ST6GALNAC5: variants seen among roughly 807,000 people sequenced by gnomAD.
ST6GALNAC5 encodes the protein alpha-N-acetylgalactosaminide alpha-2,6-sialyltransferase 5.
ST6GALNAC5 carries 27 observed loss-of-function variants against 33.6 expected under a neutral mutation model. The ratio of observed to expected loss-of-function variants is 0.80; its 90% CI spans 0.59 to 1.11. The LOEUF is 1.11. ST6GALNAC5 is among the 50% of genes least tolerant of loss of function. The pLI is 0.00. For missense variants in ST6GALNAC5, 428 were observed against 454.0 expected, an observed-to-expected ratio of 0.94 and a Z score of 0.52; for synonymous variants, 194 against 171.2, an observed-to-expected ratio of 1.13 and a Z score of -1.04.
intron 2 of ST6GALNAC5, among the ~76,000 whole-genome samples, chr1:77,024,660 G>T (rs1451574895): frequency 1.3e-5 from 2 of 152,198 alleles, no homozygotes; most frequent in Admixed American, 1.3e-4. Context: ...GATTTCGCAA[G>T]GGACTTTGAT....
chr1:76,897,129 TGTGA>T (rs760180856), intron 2 of ST6GALNAC5, among the ~76,000 whole-genome samples: 5,823 of 152,214 alleles, frequency 0.038, 254 homozygotes, highest in African/African-American at 0.11. Flanking sequence ...GGGGGCTGCC[TGTGA>T]AGCTTTGCGG....
intron 2 of ST6GALNAC5, among the ~76,000 whole-genome samples, chr1:77,010,039 C>T (rs1327913019): frequency 6.6e-6 from 1 of 152,156 alleles, no homozygotes; most frequent in African/African-American, 2.4e-5. Flanking sequence ...CATGAAGTGA[C>T]AGCACTATAG....
At chr1:76,966,597 C>G (rs551554872) in intron 2 of ST6GALNAC5, among the ~76,000 whole-genome samples, 2 of 152,280 alleles carry the variant, frequency 1.3e-5, no homozygotes, top group South Asian at 4.1e-4. Context: ...ATTTCTTTCT[C>G]TTGCCTGATT....
chr1:76,963,029 C>T (rs1394231460), intron 2 of ST6GALNAC5, among the ~76,000 whole-genome samples: 1 of 151,994 alleles, frequency 6.6e-6, no homozygotes, highest in East Asian at 1.9e-4. Context: ...TCTCTTCCTC[C>T]CTATAGAAAA....
At chr1:76,923,419 A>G (rs1330980293) in intron 2 of ST6GALNAC5, among the ~76,000 whole-genome samples, 1 of 152,090 alleles carries the variant, frequency 6.6e-6, no homozygotes. Flanking sequence ...ACAGCCGAGC[A>G]CTGTGGCTCA....
intron 2 of ST6GALNAC5, among the ~76,000 whole-genome samples, chr1:77,032,160 G>C (rs1456836479): frequency 1.3e-5 from 2 of 152,188 alleles, no homozygotes; most frequent in Non-Finnish European, 2.9e-5. Context: ...CACGTGCAAA[G>C]ACCTGAGACC....
At position 77,063,080 on chromosome 1, in the gene ST6GALNAC5, C is replaced by A; in HGVS notation, c.885C>A (p.His295Gln). The A allele has an allele frequency of 6.2e-7, 1 of 1,613,934 alleles. No homozygotes were observed. The highest frequency in any genetic ancestry group is 8.5e-7 in the Non-Finnish European group (1 of 1,179,910). The change falls in exon 5 of 5, where the codon CAC becomes CAA. Residue 295 changes from histidine to glutamine, a missense_variant. Transcript: ENST00000477717. Reference protein sequence around the residue: ...SHERGRKGSHHRFITEKRVFK... With the variant: ...SHERGRKGSHQRFITEKRVFK... ...AGCGAGGACGCAAGGGCAGTCATCA[C>A]CGCTTTATCACAGAGAAACGAGTCT...
intron 2 of ST6GALNAC5, among the ~76,000 whole-genome samples, chr1:76,983,099 T>C (rs1268460745): frequency 6.6e-6 from 1 of 151,008 alleles, no homozygotes. Flanking sequence ...AGAAACTGCA[T>C]CAATTAACAG....
rs117355078 is a variant in ST6GALNAC5, at chr1:76,969,949, G to A, written c.262-74255G>A. Among the ~76,000 whole-genome samples, 146 of 152,052 alleles carry A rather than the reference G, an allele frequency of 9.6e-4. 3 individuals are homozygous for A. In the East Asian group the frequency reaches 0.026, roughly 27 times the overall value. On this transcript the variant is annotated intron_variant, in intron 2 of 4. Transcript: ENST00000477717. The stretch of plus-strand genomic sequence containing the variant: ...CACCAGCAAACTCCAACTGACCTGC[G>A]GATGACTGTTAGAAGGAAAATGAAC...
chr1:77,000,764 C>T (rs936670176), intron 2 of ST6GALNAC5, among the ~76,000 whole-genome samples: 36 of 151,542 alleles, frequency 2.4e-4, no homozygotes, highest in South Asian at 6.3e-4. Context: ...TTCCCCATTG[C>T]TTGTTTTTCT....
At chr1:76,961,932 C>T (rs900153293) in intron 2 of ST6GALNAC5, among the ~76,000 whole-genome samples, 1 of 152,158 alleles carries the variant, frequency 6.6e-6, no homozygotes, top group Non-Finnish European at 1.5e-5. Context: ...CCATTGAAAT[C>T]CATGTGCTTA....
chr1:76,976,459 G>T (rs768163009), intron 2 of ST6GALNAC5, among the ~76,000 whole-genome samples: 3 of 151,922 alleles, frequency 2.0e-5, no homozygotes, highest in Non-Finnish European at 4.4e-5. Context: ...TCCATTATTT[G>T]TCTTGGCTCA....
In ST6GALNAC5 at chr1:77,064,227, G is replaced by A. The variant is rs1199985308; in HGVS notation, c.*1021G>A. 1.3e-5 allele frequency: 2 copies of A among 152,090 alleles called. No individual in the cohort carries two copies. The highest frequency in any genetic ancestry group is 1.5e-5 in the Non-Finnish European group (1 of 68,028). The allele number at this position is 152,090 out of a possible 1,614,324, so 9.4% of individuals were successfully genotyped here. A position where few individuals can be genotyped will look rare whatever the true frequency, so the allele number is the denominator to read the frequency against. On this transcript the variant is annotated 3_prime_UTR_variant, in exon 5 of 5. Transcript: ENST00000477717. ...CCCATTTGAAGACTCTGCACTTGGA[G>A]TGATGGGGCCCCAACAGTAGCAGGA...
intron 1 of ST6GALNAC5, 62 bp downstream of exon 1, chr1:76,867,752 G>A: frequency 2.5e-6 from 4 of 1,613,556 alleles, no homozygotes; most frequent in Non-Finnish European, 3.4e-6. Flanking sequence ...AGGGTCCACG[G>A]GACGCACCGT....
intron 2 of ST6GALNAC5, among the ~76,000 whole-genome samples, chr1:76,985,973 G>T (rs1424468328): frequency 6.6e-6 from 1 of 152,142 alleles, no homozygotes; most frequent in Non-Finnish European, 1.5e-5. Flanking sequence ...GCTGAAATTG[G>T]ATCCCTTCCT....
intron 2 of ST6GALNAC5, among the ~76,000 whole-genome samples, chr1:76,985,476 G>A (rs1649454095): frequency 6.6e-6 from 1 of 152,048 alleles, no homozygotes; most frequent in African/African-American, 2.4e-5. Context: ...CCTCCTCAAG[G>A]AGAACTACAA....
chr1:76,979,569 A>G (rs1450991605), intron 2 of ST6GALNAC5, among the ~76,000 whole-genome samples: 1 of 152,202 alleles, frequency 6.6e-6, no homozygotes, highest in African/African-American at 2.4e-5. Context: ...AAAAGTGATT[A>G]TATTCAGAAG....
Position 76,888,448 on chromosome 1 carries a change from A to G in ST6GALNAC5, c.261+19706A>G, listed in dbSNP as rs1415312188. 2.0e-5 allele frequency among the ~76,000 whole-genome samples: 3 copies of G among 152,250 alleles called. No homozygotes were observed. The East Asian group carries it at 5.8e-4, about 29-fold the overall frequency. ...TACTCTGTATGTCCTATATGAATACACTATAGCTGGAATTGATTTTTAATT... is the reference window on the plus strand; with the variant it reads ...TACTCTGTATGTCCTATATGAATACGCTATAGCTGGAATTGATTTTTAATT... On this transcript the variant is annotated intron_variant, in intron 2 of 4. Transcript: ENST00000477717.
intron 4 of ST6GALNAC5, among the ~76,000 whole-genome samples, chr1:77,055,586 T>C (rs1448138225): frequency 6.6e-6 from 1 of 152,224 alleles, no homozygotes; most frequent in Admixed American, 6.5e-5. Context: ...GAGCTGGAAT[T>C]TGAATGCAGT....
Sources: gnomAD v4.1 joint callset for allele counts (sites outside exome capture counted in the v4.1 genomes callset) on GRCh38, gnomAD v4.1.1 for gene constraint, MANE v1.5 for transcripts, NCBI Gene and HGNC (gene_info 2026-07-23, HGNC 2026-07-21) for gene names.